MED13L: variants seen among roughly 807,000 people sequenced by gnomAD.
MED13L encodes the protein mediator complex subunit 13L, also known as mediator of RNA polymerase II transcription subunit 13-like.
MED13L carries 7 observed loss-of-function variants against 220.9 expected under a neutral mutation model. The ratio of observed to expected loss-of-function variants is 0.03; its 90% CI spans 0.02 to 0.06. The LOEUF (loss-of-function observed/expected upper bound fraction) is 0.06. Among genes scored for constraint, MED13L ranks in the 10% least tolerant of loss-of-function variants. The pLI, the probability that MED13L is intolerant of heterozygous loss-of-function variation, is 1.00. For missense variants in MED13L, 1,965 were observed against 2,760.5 expected (o/e 0.71, Z 6.46); for synonymous variants, 1,011 against 1,015.2 (o/e 1.00, Z 0.08).
chr12:116,239,740 G>A (rs561258515), intron 1 of MED13L, among the ~76,000 whole-genome samples: 30 of 152,254 alleles, frequency 2.0e-4, no homozygotes, highest in South Asian at 6.2e-4. Context: ...GTGCTACCAC[G>A]TTACTGTTCA....
In MED13L at chr12:116,072,403, A is replaced by C. The variant is rs955029966; in HGVS notation, c.479+24266T>G. On this transcript the variant is annotated intron_variant, in intron 4 of 30. Coordinates refer to ENST00000281928, the MANE Select transcript of MED13L (RefSeq NM_015335.5). ...ATTAGTTCACAAACTGAATTTTCTAAAGAGACTTCTTTAGTAAACACATGA... is the reference window on the plus strand; with the variant it reads ...ATTAGTTCACAAACTGAATTTTCTACAGAGACTTCTTTAGTAAACACATGA... Among the ~76,000 whole-genome samples, 5 of 152,216 alleles carry C rather than the reference A, an allele frequency of 3.3e-5. No homozygotes were observed. In the East Asian group the frequency reaches 9.6e-4, roughly 29 times the overall value.
intron 2 of MED13L, among the ~76,000 whole-genome samples, chr12:116,155,122 C>T (rs983937060): frequency 6.6e-6 from 1 of 152,140 alleles, no homozygotes; most frequent in Non-Finnish European, 1.5e-5. Context: ...CCACCACCAC[C>T]GGCCAAGATA....
chr12:116,170,964 T>C (rs919756394), intron 2 of MED13L, among the ~76,000 whole-genome samples: 26 of 152,244 alleles, frequency 1.7e-4, no homozygotes, highest in African/African-American at 6.0e-4. Flanking sequence ...TTCTGAAGAA[T>C]ACAACTACCA....
chr12:116,136,051 C>T (rs537031301), intron 2 of MED13L, among the ~76,000 whole-genome samples: 3 of 151,956 alleles, frequency 2.0e-5, no homozygotes, highest in African/African-American at 4.8e-5. Flanking sequence ...TACAGGCACC[C>T]GCCACCATGC....
intron 2 of MED13L, among the ~76,000 whole-genome samples, chr12:116,188,317 A>G (rs986979835): frequency 2.0e-5 from 3 of 152,186 alleles, no homozygotes; most frequent in African/African-American, 7.2e-5. Context: ...ATCTACACCA[A>G]AATTAAAGGA....
chr12:116,061,809 C>T (rs993224955), intron 4 of MED13L, among the ~76,000 whole-genome samples: 65 of 152,118 alleles, frequency 4.3e-4, no homozygotes, highest in African/African-American at 1.4e-3. Context: ...AGATCGAGAC[C>T]ATCCTGGCTA....
At chr12:116,111,337 G>A in intron 3 of MED13L, 91 bp downstream of exon 3, 2 of 973,942 alleles carry the variant, frequency 2.1e-6, no homozygotes, top group Non-Finnish European at 3.3e-6. Context: ...ATCATTGCAA[G>A]TGAAAAGTTT....
chr12:116,108,118 A>C (rs1247152860), intron 3 of MED13L, among the ~76,000 whole-genome samples: 3 of 152,006 alleles, frequency 2.0e-5, no homozygotes, highest in South Asian at 2.1e-4. Flanking sequence ...AACAAAAAAA[A>C]AAAACCCCTC....
chr12:116,123,241 T>C (rs1875243703), intron 2 of MED13L, among the ~76,000 whole-genome samples: 1 of 152,126 alleles, frequency 6.6e-6, no homozygotes, highest in East Asian at 1.9e-4. Context: ...TAAGCTTACA[T>C]CATATTTGAA....
At chr12:116,078,352 T>G (rs764169880) in intron 4 of MED13L, among the ~76,000 whole-genome samples, 23 of 152,304 alleles carry the variant, frequency 1.5e-4, no homozygotes, top group Middle Eastern at 3.4e-3. Context: ...CTACATATAA[T>G]TTCTACATAA....
chr12:115,993,219 A>G (rs2137313821), intron 16 of MED13L, among the ~76,000 whole-genome samples: 1 of 152,302 alleles, frequency 6.6e-6, no homozygotes, highest in African/African-American at 2.4e-5. Flanking sequence ...CAATCCCCCA[A>G]GGATACCAAG....
intron 2 of MED13L, among the ~76,000 whole-genome samples, chr12:116,217,069 C>A (rs941286239): frequency 1.3e-5 from 2 of 152,094 alleles, no homozygotes; most frequent in African/African-American, 4.8e-5. Flanking sequence ...GAAGTCTTTC[C>A]CTTTACCTTG....
At chr12:116,034,266 TG>T (rs1442482284) in intron 4 of MED13L, among the ~76,000 whole-genome samples, 3 of 152,142 alleles carry the variant, frequency 2.0e-5, no homozygotes, top group Non-Finnish European at 4.4e-5. Flanking sequence ...GTACTTAGTA[TG>T]GTGCTTGCCA....
At chr12:116,275,154 G>A (rs993144027) in intron 1 of MED13L, among the ~76,000 whole-genome samples, 1 of 152,052 alleles carries the variant, frequency 6.6e-6, no homozygotes, top group Admixed American at 6.5e-5. Flanking sequence ...TTACCTGTAA[G>A]TGTCAATGTG....
chr12:116,123,377 G>A (rs918188508), intron 2 of MED13L, among the ~76,000 whole-genome samples: 1 of 152,120 alleles, frequency 6.6e-6, no homozygotes, highest in African/African-American at 2.4e-5. Context: ...GCAGACATGT[G>A]ATTCAGTTAG....
chr12:116,189,352 AT>A (rs917350978), intron 2 of MED13L, among the ~76,000 whole-genome samples: 16 of 151,230 alleles, frequency 1.1e-4, no homozygotes, highest in African/African-American at 3.9e-4. Context: ...GACTAGTTGG[AT>A]TTTTTTTTAA....
intron 23 of MED13L, among the ~76,000 whole-genome samples, chr12:115,979,981 C>A (rs575299155): frequency 2.0e-5 from 3 of 152,064 alleles, no homozygotes; most frequent in African/African-American, 7.2e-5. Flanking sequence ...CATTTATATA[C>A]GGAAGCACTG....
chr12:116,270,115 G>A (rs1045365139), intron 1 of MED13L, among the ~76,000 whole-genome samples: 2 of 151,776 alleles, frequency 1.3e-5, no homozygotes, highest in Non-Finnish European at 2.9e-5. Flanking sequence ...GCTAATATGT[G>A]AGGATAAAAT....
At chr12:116,268,225 G>GT (rs1872985407) in intron 1 of MED13L, among the ~76,000 whole-genome samples, 1 of 152,144 alleles carries the variant, frequency 6.6e-6, no homozygotes, top group Non-Finnish European at 1.5e-5. Context: ...GTCAGAGGAG[G>GT]TAACATTTGA....
Sources: gnomAD v4.1 joint callset for allele counts (sites outside exome capture counted in the v4.1 genomes callset) on GRCh38, gnomAD v4.1.1 for gene constraint, MANE v1.5 for transcripts, NCBI Gene and HGNC (gene_info 2026-07-23, HGNC 2026-07-21) for gene names.